The following TDRD3 variants were observed in gnomAD, a reference collection of about 807,000 sequenced individuals.
The protein encoded by TDRD3 is tudor domain containing 3.
TDRD3 carries 45 observed loss-of-function variants against 86.7 expected under a neutral mutation model. That is an observed-to-expected ratio of 0.52 (90% CI 0.41 to 0.67). The LOEUF (loss-of-function observed/expected upper bound fraction) is 0.67, where lower values mean the gene tolerates loss of function less well. Among genes scored for constraint, TDRD3 ranks in the 30% least tolerant of loss-of-function variants. The probability of loss-of-function intolerance (pLI) is 0.00; values close to 1 mark genes in which losing one functional copy is unlikely to be tolerated. For missense variants in TDRD3, 814 were observed against 889.0 expected (o/e 0.92, Z 1.07); for synonymous variants, 298 against 301.7 (o/e 0.99, Z 0.13).
At chr13:60,469,062 C>T (rs1269383282) in intron 5 of TDRD3, among the ~76,000 whole-genome samples, 6 of 152,016 alleles carry the variant, frequency 3.9e-5, no homozygotes, top group Admixed American at 3.9e-4. Flanking sequence ...TTCCTTAGTA[C>T]TAATTTCTTA....
At chr13:60,409,489 G>A (rs553086040) in intron 1 of TDRD3, among the ~76,000 whole-genome samples, 1 of 152,340 alleles carries the variant, frequency 6.6e-6, no homozygotes, top group African/African-American at 2.4e-5. Flanking sequence ...CAAGGGCAGA[G>A]CTGTCCAAGA....
intron 5 of TDRD3, among the ~76,000 whole-genome samples, chr13:60,475,283 T>A (rs1293258138): frequency 6.6e-6 from 1 of 152,142 alleles, no homozygotes; most frequent in Admixed American, 6.5e-5. Flanking sequence ...CTTGTTCCCA[T>A]CTCTGTGTCC....
At chr13:60,476,428 G>A (rs777544228) in intron 5 of TDRD3, among the ~76,000 whole-genome samples, 8 of 151,902 alleles carry the variant, frequency 5.3e-5, no homozygotes, top group Non-Finnish European at 1.0e-4. Flanking sequence ...AGTACTCATT[G>A]TTATATTTTT....
chr13:60,566,625 T>C (rs1289055654), intron 12 of TDRD3, among the ~76,000 whole-genome samples: 1 of 152,168 alleles, frequency 6.6e-6, no homozygotes. Context: ...GCTTTCTTTT[T>C]CATAAGCAAA....
chr13:60,420,714 G>T (rs879787613), intron 1 of TDRD3, among the ~76,000 whole-genome samples: 1 of 152,002 alleles, frequency 6.6e-6, no homozygotes. Flanking sequence ...AGGCCGAGGC[G>T]GGTGGATCAT....
intron 8 of TDRD3, among the ~76,000 whole-genome samples, chr13:60,494,908 A>T (rs940523504): frequency 2.0e-4 from 30 of 152,190 alleles, no homozygotes; most frequent in African/African-American, 7.2e-4. Flanking sequence ...AATTTTGTCT[A>T]AAGTGATTTT....
intron 3 of TDRD3, among the ~76,000 whole-genome samples, chr13:60,457,234 A>G (rs1192600066): frequency 1.3e-5 from 2 of 152,364 alleles, no homozygotes; most frequent in South Asian, 2.1e-4. Flanking sequence ...AAGAAGTGAC[A>G]AGAGATTCTG....
intron 1 of TDRD3, among the ~76,000 whole-genome samples, chr13:60,428,564 G>C (rs1328418617): frequency 1.3e-5 from 2 of 152,210 alleles, no homozygotes; most frequent in Non-Finnish European, 2.9e-5. Flanking sequence ...TTATACAATA[G>C]TGCAGTGGGG....
chr13:60,402,370 T>TA (rs1166584863), intron 1 of TDRD3, among the ~76,000 whole-genome samples: 4 of 152,202 alleles, frequency 2.6e-5, no homozygotes, highest in Non-Finnish European at 4.4e-5. Flanking sequence ...ATACTAGTGG[T>TA]AATAGACATA....
At chr13:60,450,440 T>C (rs1250009530) in intron 3 of TDRD3, among the ~76,000 whole-genome samples, 1 of 152,184 alleles carries the variant, frequency 6.6e-6, no homozygotes, top group Non-Finnish European at 1.5e-5. Context: ...CTAATTTGCC[T>C]CTTACTGACT....
rs111919136 is a variant in TDRD3, at chr13:60,536,368, C to T, written c.2118+1135C>T. The stretch of plus-strand genomic sequence containing the variant: ...AGAGATCGTTTCCCTAACTCTTATC[C>T]TCTAAACTTTAATTGCTCTTTGCCT... On this transcript the variant is annotated intron_variant, in intron 12 of 13. Transcript: ENST00000377881. 514 of 152,102 alleles carry T rather than the reference C, an allele frequency of 3.4e-3. 4 individuals are homozygous for T. The highest frequency in any genetic ancestry group is 0.012 in the African/African-American group (490 of 41,560). The allele number at this position is 152,102 out of a possible 1,614,324, so 9.4% of individuals were successfully genotyped here.
intron 12 of TDRD3, among the ~76,000 whole-genome samples, chr13:60,553,224 T>C (rs953106205): frequency 1.3e-5 from 2 of 152,216 alleles, no homozygotes; most frequent in Admixed American, 6.5e-5. Context: ...CACTGAACGC[T>C]TTCAGGATAA....
At chr13:60,427,753 G>A (rs1954848395) in intron 1 of TDRD3, among the ~76,000 whole-genome samples, 1 of 152,134 alleles carries the variant, frequency 6.6e-6, no homozygotes, top group Non-Finnish European at 1.5e-5. Context: ...AATGAATCAA[G>A]GCATTTTAAG....
At chr13:60,453,410 G>A (rs1955592812) in intron 3 of TDRD3, among the ~76,000 whole-genome samples, 3 of 152,096 alleles carry the variant, frequency 2.0e-5, no homozygotes, top group Admixed American at 6.5e-5. Flanking sequence ...ATATAAATTA[G>A]AGTAATTGTT....
chr13:60,530,702 G>A (rs989665193), intron 11 of TDRD3, among the ~76,000 whole-genome samples: 20 of 150,894 alleles, frequency 1.3e-4, no homozygotes, highest in Non-Finnish European at 2.2e-4. Context: ...TGATCCACCC[G>A]CCTCGGCGTC....
intron 1 of TDRD3, among the ~76,000 whole-genome samples, chr13:60,429,741 T>C (rs1954907146): frequency 6.6e-6 from 1 of 152,176 alleles, no homozygotes; most frequent in Non-Finnish European, 1.5e-5. Flanking sequence ...GGCTTACCAG[T>C]AAGGAAGCAT....
chr13:60,400,737 CAAAA>C (rs796259856), intron 1 of TDRD3, among the ~76,000 whole-genome samples: 15 of 91,362 alleles, frequency 1.6e-4, no homozygotes, highest in African/African-American at 6.0e-4. Context: ...GACTGTGTCT[CAAAA>C]AAAAAAAAAA....
intron 9 of TDRD3, 52 bp downstream of exon 9, chr13:60,509,971 A>G: frequency 6.3e-7 from 1 of 1,579,306 alleles, no homozygotes. Flanking sequence ...TTTCAGAGTA[A>G]TATATGTTAT....
chr13:60,398,734 C>G (rs1406471470), intron 1 of TDRD3, among the ~76,000 whole-genome samples: 1 of 152,210 alleles, frequency 6.6e-6, no homozygotes, highest in African/African-American at 2.4e-5. Flanking sequence ...GGCTCTGGGC[C>G]TGGTTCCTTT....
Sources: gnomAD v4.1 joint callset for allele counts (sites outside exome capture counted in the v4.1 genomes callset) on GRCh38, gnomAD v4.1.1 for gene constraint, MANE v1.5 for transcripts, NCBI Gene and HGNC (gene_info 2026-07-23, HGNC 2026-07-21) for gene names.